Variants in SCN8A observed in about 807,000 individuals in gnomAD.
SCN8A encodes sodium channel protein type 8 subunit alpha.
In SCN8A, 30 loss-of-function variants were observed where a neutral mutation model predicts 184.1. The observed-to-expected ratio is 0.16, with a 90% CI of 0.12 to 0.22. The LOEUF (loss-of-function observed/expected upper bound fraction) is 0.22, where lower values mean the gene tolerates loss of function less well. Among genes scored for constraint, SCN8A ranks in the 10% least tolerant of loss-of-function variants. SCN8A has a pLI of 1.00. For missense variants in SCN8A, 1,057 were observed against 2,498.9 expected, an observed-to-expected ratio of 0.42 and a Z score of 12.30; for synonymous variants, 852 against 907.0, an observed-to-expected ratio of 0.94 and a Z score of 1.09.
intron 19 of SCN8A, among the ~76,000 whole-genome samples, chr12:51,771,040 C>G (rs1942918231): frequency 6.6e-6 from 1 of 152,206 alleles, no homozygotes; most frequent in South Asian, 2.1e-4. Flanking sequence ...CCTCCACTTA[C>G]TGTCCCTTCA....
chr12:51,592,224 C>T (rs1343337493), intron 1 of SCN8A, among the ~76,000 whole-genome samples: 1 of 151,774 alleles, frequency 6.6e-6, no homozygotes, highest in African/African-American at 2.4e-5. Context: ...TCACTTGGTA[C>T]CTTGGGGCAC....
intron 11 of SCN8A, among the ~76,000 whole-genome samples, chr12:51,707,297 T>C (rs1592394404): frequency 1.3e-5 from 2 of 152,002 alleles, no homozygotes; most frequent in East Asian, 3.8e-4. Flanking sequence ...GATATATTTA[T>C]ATATCTATTA....
chr12:51,673,208 A>G (rs117305762), intron 2 of SCN8A, among the ~76,000 whole-genome samples: 4,529 of 152,306 alleles, frequency 0.03, 90 homozygotes, highest in Non-Finnish European at 0.046. Flanking sequence ...ATTCCCAAAC[A>G]ATATAGTATA....
intron 6 of SCN8A, among the ~76,000 whole-genome samples, chr12:51,693,156 A>G (rs1220163844): frequency 6.6e-6 from 1 of 152,204 alleles, no homozygotes; most frequent in East Asian, 1.9e-4. Context: ...ATACTTTGTG[A>G]ATGTGGCAAT....
At chr12:51,722,161 A>T in intron 12 of SCN8A, 1 of 560,654 alleles carries the variant, frequency 1.8e-6, no homozygotes, top group Non-Finnish European at 3.1e-6. Flanking sequence ...TCTTTGCTCC[A>T]TTTTCCCCAT....
rs539837892 is a variant in SCN8A, at chr12:51,661,245, T to C, written c.-54-1519T>C. Among the ~76,000 whole-genome samples, 3 of 152,284 alleles carry C rather than the reference T, an allele frequency of 2.0e-5. No individual in the cohort carries two copies. In the South Asian group the frequency reaches 6.2e-4, roughly 32 times the overall value. ...AAAATCCTTACAGCTCTGAATTCCT[T>C]AGATAATTCCTACATGGAAATGATT... On this transcript the variant is annotated intron_variant, in intron 1 of 26. Coordinates refer to ENST00000627620, the MANE Select transcript of SCN8A (RefSeq NM_001330260.2).
intron 1 of SCN8A, among the ~76,000 whole-genome samples, chr12:51,606,425 C>G (rs890091164): frequency 6.6e-6 from 1 of 152,162 alleles, no homozygotes; most frequent in Non-Finnish European, 1.5e-5. Context: ...TCTGGGTTCT[C>G]TATTCTGTTC....
chr12:51,668,471 T>G (rs1168717014), intron 2 of SCN8A, among the ~76,000 whole-genome samples: 1 of 152,164 alleles, frequency 6.6e-6, no homozygotes, highest in East Asian at 1.9e-4. Context: ...CTTTTCTAAT[T>G]TTTTATTAAT....
At chr12:51,788,585 A>AC (rs1938155334) in intron 22 of SCN8A, 110 bp from the exon 23 acceptor site, 1 of 649,162 alleles carries the variant, frequency 1.5e-6, no homozygotes, top group Non-Finnish European at 2.4e-6. Flanking sequence ...CTGCACCCAA[A>AC]CCCCTGTTCT....
intron 15 of SCN8A, 117 bp from the exon 16 acceptor site, chr12:51,765,554 A>G (rs1942825019): frequency 1.5e-6 from 1 of 661,956 alleles, no homozygotes; most frequent in Admixed American, 3.0e-5. Context: ...GAATTTTCCA[A>G]GGGTGCTCAA....
chr12:51,799,322 A>C (rs1938493537), intron 26 of SCN8A, among the ~76,000 whole-genome samples: 1 of 152,150 alleles, frequency 6.6e-6, no homozygotes, highest in South Asian at 2.1e-4. Flanking sequence ...TGCGCACCCA[A>C]CTTCATGGCT....
chr12:51,728,302 C>T (rs1456854160), intron 12 of SCN8A, among the ~76,000 whole-genome samples: 2 of 152,136 alleles, frequency 1.3e-5, no homozygotes, highest in Non-Finnish European at 2.9e-5. Context: ...TGACCCATGA[C>T]CTGCCCAAGA....
chr12:51,702,980 C>G (rs1941717415), intron 9 of SCN8A, 66 bp downstream of exon 9: 1 of 1,429,660 alleles, frequency 7.0e-7, no homozygotes, highest in Admixed American at 2.2e-5. Context: ...TGGGGACCTT[C>G]TGTGTGAGAG....
At chr12:51,705,752 A>T in intron 10 of SCN8A, 129 bp downstream of exon 10, 1 of 797,134 alleles carries the variant, frequency 1.3e-6, no homozygotes, top group Non-Finnish European at 1.9e-6. Context: ...TGATGAAAAT[A>T]ACCCAAGTAA....
intron 14 of SCN8A, among the ~76,000 whole-genome samples, chr12:51,760,095 T>C (rs899235267): frequency 3.9e-5 from 6 of 152,172 alleles, no homozygotes; most frequent in Non-Finnish European, 7.3e-5. Context: ...CAGTGTTGCA[T>C]TGGGGATTAA....
intron 25 of SCN8A, among the ~76,000 whole-genome samples, chr12:51,793,575 G>T (rs1938326005): frequency 6.6e-6 from 1 of 152,182 alleles, no homozygotes; most frequent in African/African-American, 2.4e-5. Context: ...AAAATTTAGA[G>T]AAAGAAGGGA....
chr12:51,705,313 A>G (rs1324133642), intron 9 of SCN8A, 104 bp from the exon 10 acceptor site: 3 of 1,012,012 alleles, frequency 3.0e-6, no homozygotes, highest in African/African-American at 1.6e-5. Flanking sequence ...ACAGTCCTGT[A>G]CAAAATGCAA....
intron 12 of SCN8A, among the ~76,000 whole-genome samples, chr12:51,739,389 CG>C (rs2138816234): frequency 6.6e-6 from 1 of 152,026 alleles, no homozygotes; most frequent in Admixed American, 6.6e-5. Flanking sequence ...CAATGTCCTC[CG>C]GAAAAGAAAG....
intron 2 of SCN8A, among the ~76,000 whole-genome samples, chr12:51,675,407 T>C (rs1592371760): frequency 6.6e-6 from 1 of 152,220 alleles, no homozygotes. Context: ...CAGGCAGATG[T>C]GGTGCTAGCA....
Sources: allele counts gnomAD v4.1 joint callset (sites outside exome capture counted in the v4.1 genomes callset), GRCh38; gene constraint gnomAD v4.1.1; transcripts MANE v1.5; gene names NCBI Gene and HGNC (gene_info 2026-07-23, HGNC 2026-07-21).